Variants in MYOCD observed in about 807,000 individuals in gnomAD.
The protein encoded by MYOCD is myocardin.
A neutral mutation model predicts 96.1 loss-of-function variants in MYOCD; 32 were observed. The observed-to-expected ratio is 0.33, with a 90% CI of 0.25 to 0.45. The LOEUF (loss-of-function observed/expected upper bound fraction) is 0.45. Ranked by LOEUF, MYOCD falls within the 20% of genes least tolerant of loss-of-function variation. The pLI is 1.00. For synonymous variants in MYOCD, 469 were observed against 469.0 expected, an observed-to-expected ratio of 1.00 and a Z score of 0.00; for missense variants, 1,133 against 1,200.6, an observed-to-expected ratio of 0.94 and a Z score of 0.83.
intron 1 of MYOCD, among the ~76,000 whole-genome samples, chr17:12,686,841 C>T (rs2030145837): frequency 6.6e-6 from 1 of 152,220 alleles, no homozygotes; most frequent in Non-Finnish European, 1.5e-5. Context: ...AGCTGGCTCT[C>T]TCCTGGATTT....
intron 1 of MYOCD, among the ~76,000 whole-genome samples, chr17:12,694,685 A>G (rs775057969): frequency 9.2e-5 from 14 of 152,172 alleles, no homozygotes; most frequent in Non-Finnish European, 1.8e-4. Flanking sequence ...AGCTATTGTC[A>G]TACGTACCAA....
In MYOCD at chr17:12,763,677, A is replaced by G. The variant is rs748395066; in HGVS notation, c.*33A>G. The G allele has an allele frequency of 1.1e-5, 17 of 1,527,934 alleles. No individual in the cohort carries two copies. The highest frequency in any genetic ancestry group is 3.6e-5 in the Admixed American group (2 of 55,848). 94.6% of individuals were successfully genotyped at this position (1,527,934 alleles called of 1,614,324 possible). ...AATGCACCAGTGCTATGGAAGACCA[A>G]TGGAGTTCCATGGGGGAAAGCACAC... On this transcript the variant is annotated 3_prime_UTR_variant, in exon 14 of 14. Coordinates refer to ENST00000425538, the MANE Select transcript of MYOCD (RefSeq NM_001146312.3).
At chr17:12,754,277 T>C (rs2032948790) in intron 10 of MYOCD, among the ~76,000 whole-genome samples, 1 of 151,864 alleles carries the variant, frequency 6.6e-6, no homozygotes, top group Admixed American at 6.5e-5. Flanking sequence ...GCTATTTTTG[T>C]ATTTTTAGTA....
Position 12,760,670 on chromosome 17 carries a change from G to A in MYOCD, c.2352G>A (p.Gln784=), listed in dbSNP as rs777862743. 1 of 1,614,066 alleles carries A rather than the reference G, an allele frequency of 6.2e-7. No individual in the cohort carries two copies. Among genetic ancestry groups the A allele is most frequent in the Non-Finnish European group, 8.5e-7 (1 of 1,179,952 alleles). ...AVKQQMTRSQ[Q]MDELLDVLIE... ...AATAGCAAATGACCCGGAGTCAGCA[G>A]ATGGATGAACTCCTGGACGTGCTTA... Residue 784 remains glutamine, a synonymous_variant, in exon 13 of 14, where the codon CAG becomes CAA. Transcript: ENST00000425538.
chr17:12,705,424 G>C (rs184484815), intron 2 of MYOCD: 14 of 420,438 alleles, frequency 3.3e-5, no homozygotes, highest in African/African-American at 2.9e-4. Context: ...TTCCAATGTA[G>C]TGGATTTGTT....
At chr17:12,753,476 C>G in intron 10 of MYOCD, 130 bp downstream of exon 10, 6 of 825,128 alleles carry the variant, frequency 7.3e-6, no homozygotes, top group Non-Finnish European at 1.1e-5. Context: ...CAGAATCTCC[C>G]AGACACTACA....
chr17:12,746,190 G>T, intron 9 of MYOCD, 118 bp downstream of exon 9: 1 of 1,119,426 alleles, frequency 8.9e-7, no homozygotes, highest in South Asian at 1.6e-5. Context: ...GAAGACTGTA[G>T]GAAACACTGA....
intron 1 of MYOCD, among the ~76,000 whole-genome samples, chr17:12,688,105 G>C (rs553436388): frequency 6.6e-6 from 1 of 152,196 alleles, no homozygotes; most frequent in Non-Finnish European, 1.5e-5. Context: ...AAGATACCTA[G>C]TGTTATTGGT....
Position 12,739,609 on chromosome 17 carries a change from A to G in MYOCD, c.717+281A>G, listed in dbSNP as rs560745896. On this transcript the variant is annotated intron_variant, in intron 7 of 13. Coordinates refer to ENST00000425538, the MANE Select transcript of MYOCD (RefSeq NM_001146312.3). ...CGTTCCCCACTTAAAAGATTTCATA[A>G]GCTCACCTTTGAGGTAGACACAGCT... 3.2e-4 allele frequency among the ~76,000 whole-genome samples: 48 copies of G among 152,304 alleles called. 1 individual carries two copies. In the South Asian group the frequency reaches 6.0e-3, roughly 19 times the overall value.
At chr17:12,724,946 TTA>T (rs1275067157) in intron 5 of MYOCD, among the ~76,000 whole-genome samples, 14 of 152,122 alleles carry the variant, frequency 9.2e-5, no homozygotes, top group African/African-American at 3.1e-4. Flanking sequence ...TGCACTGAAT[TTA>T]TATGTTAATT....
intron 5 of MYOCD, among the ~76,000 whole-genome samples, chr17:12,727,930 G>T (rs932152436): frequency 6.6e-6 from 1 of 152,086 alleles, no homozygotes; most frequent in Non-Finnish European, 1.5e-5. Context: ...CAGTTTCCAG[G>T]TGGAGGGAAA....
intron 10 of MYOCD, among the ~76,000 whole-genome samples, chr17:12,755,655 C>T (rs113804094): frequency 3.0e-4 from 45 of 152,220 alleles, no homozygotes; most frequent in African/African-American, 9.2e-4. Flanking sequence ...GGGTGGATCA[C>T]GAGGTCAGGA....
At chr17:12,741,679 T>C (rs1349044596) in intron 7 of MYOCD, among the ~76,000 whole-genome samples, 1 of 150,732 alleles carries the variant, frequency 6.6e-6, no homozygotes, top group African/African-American at 2.5e-5. Context: ...CACTGCACTC[T>C]AGCCTGGTCG....
intron 9 of MYOCD, among the ~76,000 whole-genome samples, chr17:12,747,537 C>A (rs1984660): frequency 0.67 from 101,399 of 151,666 alleles, 34,240 homozygotes; most frequent in East Asian, 0.89. Flanking sequence ...AAATTTCAGA[C>A]TCATGTGCGA....
chr17:12,719,129 C>T (rs1031327323), intron 4 of MYOCD, among the ~76,000 whole-genome samples: 2 of 134,120 alleles, frequency 1.5e-5, no homozygotes, highest in Admixed American at 8.5e-5. Flanking sequence ...GAGCTGAGAT[C>T]GCGCCACCGC....
At chr17:12,695,939 G>C (rs2030724911) in intron 1 of MYOCD, among the ~76,000 whole-genome samples, 1 of 149,696 alleles carries the variant, frequency 6.7e-6, no homozygotes, top group African/African-American at 2.5e-5. Context: ...GATTCATATA[G>C]TGTTTCTACT....
At chr17:12,754,077 T>C (rs111533830) in intron 10 of MYOCD, among the ~76,000 whole-genome samples, 1 of 116,222 alleles carries the variant, frequency 8.6e-6, no homozygotes, top group Non-Finnish European at 1.8e-5. Context: ...TGTGTGTGTA[T>C]GTGTGTGTGT....
At chr17:12,743,022 A>G (rs1318495118) in intron 7 of MYOCD, among the ~76,000 whole-genome samples, 1 of 152,122 alleles carries the variant, frequency 6.6e-6, no homozygotes, top group African/African-American at 2.4e-5. Flanking sequence ...TAGTCTTTAT[A>G]TTGATTAGTG....
chr17:12,697,043 G>A (rs778658100), intron 1 of MYOCD, among the ~76,000 whole-genome samples: 13 of 152,022 alleles, frequency 8.6e-5, no homozygotes, highest in Non-Finnish European at 1.9e-4. Context: ...AAGACCTGCA[G>A]ACAGACATTC....
Sources: gnomAD v4.1 joint callset for allele counts (sites outside exome capture counted in the v4.1 genomes callset) on GRCh38, gnomAD v4.1.1 for gene constraint, MANE v1.5 for transcripts, NCBI Gene and HGNC (gene_info 2026-07-23, HGNC 2026-07-21) for gene names.